Variants in CMPK2 observed in about 807,000 individuals in gnomAD.
CMPK2 encodes cytidine/uridine monophosphate kinase 2, also known as UMP-CMP kinase 2, mitochondrial.
CMPK2 carries 32 observed loss-of-function variants against 33.4 expected under a neutral mutation model. The ratio of observed to expected loss-of-function variants is 0.96; its 90% CI spans 0.72 to 1.29. CMPK2 has a LOEUF of 1.29. CMPK2 is among the 50% of genes most tolerant of loss of function. The pLI, the probability that CMPK2 is intolerant of heterozygous loss-of-function variation, is 0.00. For synonymous variants in CMPK2, 299 were observed against 275.3 expected (o/e 1.09, Z -0.85); for missense variants, 672 against 616.0 (o/e 1.09, Z -0.96).
chr2:6,845,620 G>C (rs1426493926), downstream of CMPK2, among the ~76,000 whole-genome samples: 3 of 152,128 alleles, frequency 2.0e-5, no homozygotes, highest in Non-Finnish European at 2.9e-5. Flanking sequence ...TGGATTCCTA[G>C]ACCCACTCAA....
At chr2:6,840,919 C>G (rs1049728853) in intron 3 of CMPK2, among the ~76,000 whole-genome samples, 8 of 152,226 alleles carry the variant, frequency 5.3e-5, no homozygotes, top group Admixed American at 3.9e-4. Flanking sequence ...CCTTCAACCC[C>G]AAATTTGAAG....
At chr2:6,842,118 A>C (rs761302801) in intron 3 of CMPK2, among the ~76,000 whole-genome samples, 1 of 152,148 alleles carries the variant, frequency 6.6e-6, no homozygotes, top group South Asian at 2.1e-4. Flanking sequence ...TTGTTCTATA[A>C]TAGAACTTTA....
At chr2:6,845,648 G>A (rs1662341542), downstream of CMPK2, among the ~76,000 whole-genome samples, 1 of 152,126 alleles carries the variant, frequency 6.6e-6, no homozygotes, top group Admixed American at 6.6e-5. Flanking sequence ...GGCTCCCAAA[G>A]TACCCTAAGA....
chr2:6,842,052 G>A (rs1295608179), intron 3 of CMPK2, among the ~76,000 whole-genome samples: 1 of 152,182 alleles, frequency 6.6e-6, no homozygotes, highest in African/African-American at 2.4e-5. Context: ...TGAAAGAGGT[G>A]TGCTTTTAAT....
downstream of CMPK2, among the ~76,000 whole-genome samples, chr2:6,843,758 A>G (rs191245348): frequency 1.8e-3 from 281 of 152,352 alleles, no homozygotes; most frequent in Non-Finnish European, 3.5e-3. Flanking sequence ...CCGAGGGGCT[A>G]TGAAAAATAT....
At chr2:6,858,151 A>G (rs1212660719) in intron 3 of CMPK2, among the ~76,000 whole-genome samples, 1 of 151,778 alleles carries the variant, frequency 6.6e-6, no homozygotes. Flanking sequence ...TCTTAGCTTC[A>G]TTCTTGCAGA....
chr2:6,866,063 C>T (rs1663079709), upstream of CMPK2: 1 of 284,926 alleles, frequency 3.5e-6, no homozygotes, highest in Non-Finnish European at 6.5e-6. Context: ...CGTGTGCGTT[C>T]TGCGGGTGGC....
At chr2:6,846,540 C>G (rs186542214), downstream of CMPK2, among the ~76,000 whole-genome samples, 1 of 152,284 alleles carries the variant, frequency 6.6e-6, no homozygotes, top group African/African-American at 2.4e-5. Context: ...CAAAAACACC[C>G]ACAACATTGC....
downstream of CMPK2, among the ~76,000 whole-genome samples, chr2:6,845,403 C>T (rs1203987483): frequency 1.3e-5 from 2 of 152,114 alleles, no homozygotes; most frequent in South Asian, 4.2e-4. Flanking sequence ...ATCCCTCAGT[C>T]CCCTTCCTCC....
At chr2:6,855,224 G>T (rs546237269) in intron 3 of CMPK2, among the ~76,000 whole-genome samples, 126 of 151,834 alleles carry the variant, frequency 8.3e-4, no homozygotes, top group Admixed American at 2.0e-3. Flanking sequence ...GATCATGGGG[G>T]CAGACACCCC....
chr2:6,856,927 T>C (rs1662721689), intron 3 of CMPK2, among the ~76,000 whole-genome samples: 1 of 152,232 alleles, frequency 6.6e-6, no homozygotes, highest in Admixed American at 6.5e-5. Flanking sequence ...GCTTTAGGTT[T>C]TTCAAATTTT....
chr2:6,856,865 T>C (rs768590458), intron 3 of CMPK2, among the ~76,000 whole-genome samples: 1 of 152,256 alleles, frequency 6.6e-6, no homozygotes, highest in Non-Finnish European at 1.5e-5. Context: ...GCTGTATGGT[T>C]TTCCACCTTA....
intron 4 of CMPK2, chr2:6,851,048 G>A (rs900881338): frequency 1.9e-6 from 2 of 1,041,298 alleles, no homozygotes; most frequent in African/African-American, 3.3e-5. Flanking sequence ...TCCTCACAAG[G>A]ATGACATAAC....
intron 3 of CMPK2, 116 bp downstream of exon 3, chr2:6,861,068 T>C (rs766488446): frequency 7.1e-6 from 6 of 842,846 alleles, no homozygotes; most frequent in Non-Finnish European, 7.6e-6. Context: ...AACACAATTT[T>C]TTTCCTGGCA....
At chr2:6,844,468 T>C (rs1364360156), downstream of CMPK2, among the ~76,000 whole-genome samples, 3 of 152,216 alleles carry the variant, frequency 2.0e-5, no homozygotes, top group East Asian at 5.8e-4. Context: ...TGAGAAATTT[T>C]CATCTGGTTT....
intron 2 of CMPK2, among the ~76,000 whole-genome samples, chr2:6,862,216 A>C (rs1209835264): frequency 6.6e-6 from 1 of 152,028 alleles, no homozygotes; most frequent in East Asian, 1.9e-4. Context: ...AGTAGCTACC[A>C]TTTCTCAGTG....
intron 1 of CMPK2, among the ~76,000 whole-genome samples, 186 bp from the exon 2 acceptor site, chr2:6,863,764 A>G (rs1420586097): frequency 6.6e-6 from 1 of 152,202 alleles, no homozygotes. Flanking sequence ...TTTTATATTG[A>G]GCAGCCGAGG....
chr2:6,849,426 G>A lies in CMPK2; in HGVS notation c.*424C>T. On this transcript the variant is annotated 3_prime_UTR_variant, in exon 5 of 5. Transcript: ENST00000256722. ...ACCAGATGTGGAAGAAGCCAATGTG[G>A]GCATGTCACGATCTCATCAGCATGC... is the stretch of plus-strand genomic sequence containing the variant. The A allele has an allele frequency of 1.0e-6, 1 of 994,616 alleles. No individual in the cohort carries two copies. Among genetic ancestry groups the A allele is most frequent in the Non-Finnish European group, 1.2e-6 (1 of 836,180 alleles). 61.6% of individuals were successfully genotyped at this position (994,616 alleles called of 1,614,324 possible).
chr2:6,861,075 G>C, intron 3 of CMPK2, 109 bp downstream of exon 3: 1 of 915,546 alleles, frequency 1.1e-6, no homozygotes, highest in Non-Finnish European at 1.7e-6. Flanking sequence ...TTTTTTTCCT[G>C]GCATATACAT....
Sources: allele counts gnomAD v4.1 joint callset (sites outside exome capture counted in the v4.1 genomes callset), GRCh38; gene constraint gnomAD v4.1.1; transcripts MANE v1.5; gene names NCBI Gene and HGNC (gene_info 2026-07-23, HGNC 2026-07-21).